Variants in WNK3 observed in about 807,000 individuals in gnomAD.
The protein encoded by WNK3 is serine/threonine-protein kinase WNK3.
In WNK3, 18 loss-of-function variants were observed where a neutral mutation model predicts 116.7. The observed-to-expected ratio is 0.15, with a 90% CI of 0.11 to 0.23. WNK3 has a LOEUF of 0.23. Ranked by LOEUF, WNK3 falls within the 10% of genes least tolerant of loss-of-function variation. The pLI is 1.00. For missense variants in WNK3, 993 were observed against 1,323.8 expected (o/e 0.75, Z 3.88); for synonymous variants, 404 against 469.4 (o/e 0.86, Z 1.80).
At chrX:54,300,713 C>T (rs959904861) in intron 6 of WNK3, among the ~76,000 whole-genome samples, 4 of 111,733 alleles carry the variant, frequency 3.6e-5, no homozygotes, top group African/African-American at 1.3e-4. Flanking sequence ...GTGTTTTTAG[C>T]TTCATTTTTA....
intron 22 of WNK3, among the ~76,000 whole-genome samples, chrX:54,218,543 C>A (rs1557145852): frequency 9.8e-6 from 1 of 101,889 alleles, no homozygotes; most frequent in African/African-American, 3.6e-5. Flanking sequence ...AAGAAATCCA[C>A]TTTGAAGAAC....
chrX:54,248,231 TA>T (rs782354082), intron 17 of WNK3, among the ~76,000 whole-genome samples: 369 of 101,011 alleles, frequency 3.7e-3, no homozygotes, highest in African/African-American at 3.6e-3. Context: ...GTCTAGGGTT[TA>T]AAAAAAAAAA....
chrX:54,345,278 ATATATATGTATG>A (rs2069404339), intron 1 of WNK3, among the ~76,000 whole-genome samples: 2 of 78,854 alleles, frequency 2.5e-5, no homozygotes, highest in Admixed American at 1.4e-4. Context: ...CAACAACTAT[ATATATATGTATG>A]TATGTATGTA....
chrX:54,246,727 T>A (rs2068077477), intron 17 of WNK3, among the ~76,000 whole-genome samples: 1 of 112,038 alleles, frequency 8.9e-6, no homozygotes, highest in Non-Finnish European at 1.9e-5. Flanking sequence ...AAATTTAAAT[T>A]AATTAAATTA....
chrX:54,323,962 A>T (rs1474659440), intron 2 of WNK3, among the ~76,000 whole-genome samples: 1 of 112,566 alleles, frequency 8.9e-6, no homozygotes. Flanking sequence ...TAAAACAGAA[A>T]TGTATTATCT....
At chrX:54,267,819 A>C (rs184570870) in intron 10 of WNK3, among the ~76,000 whole-genome samples, 6 of 110,512 alleles carry the variant, frequency 5.4e-5, no homozygotes, top group Non-Finnish European at 9.5e-5. Context: ...ACAACAACAA[A>C]AAAACCATAG....
At chrX:54,337,291 G>A (rs1215325627) in intron 1 of WNK3, among the ~76,000 whole-genome samples, 1 of 111,034 alleles carries the variant, frequency 9.0e-6, no homozygotes, top group Non-Finnish European at 1.9e-5. Context: ...GCTGGGTGCG[G>A]TGGCTCACGC....
intron 2 of WNK3, among the ~76,000 whole-genome samples, chrX:54,329,341 G>T (rs782395501): frequency 6.0e-4 from 67 of 111,817 alleles, no homozygotes; most frequent in Non-Finnish European, 1.1e-3. Context: ...GTGAATGATA[G>T]AAGTCAGTAT....
chrX:54,321,798 A>G (rs961523429), intron 2 of WNK3, among the ~76,000 whole-genome samples: 1 of 109,448 alleles, frequency 9.1e-6, no homozygotes, highest in Non-Finnish European at 1.9e-5. Context: ...CATCTCTACT[A>G]AAAATACAAA....
exon 17 of WNK3, chrX:54,249,566 G>T: frequency 8.3e-7 from 1 of 1,211,312 alleles, no homozygotes; most frequent in Non-Finnish European, 1.1e-6. Context: ...AGTGCACGGT[G>T]GCATGGATTA....
chrX:54,301,664 A>T, intron 6 of WNK3, 107 bp downstream of exon 6: 1 of 612,473 alleles, frequency 1.6e-6, no homozygotes, highest in Non-Finnish European at 2.6e-6. Context: ...TTTGGCTTCT[A>T]CTCAAAAGTC....
At chrX:54,250,260 G>A in intron 15 of WNK3, 129 bp from the exon 16 acceptor site, 1 of 636,506 alleles carries the variant, frequency 1.6e-6, no homozygotes, top group Non-Finnish European at 2.2e-6. Context: ...TAGAATATAT[G>A]TAATTGATAA....
chrX:54,221,123 GA>G (rs1399051759), intron 22 of WNK3, among the ~76,000 whole-genome samples: 9 of 110,449 alleles, frequency 8.1e-5, no homozygotes, highest in African/African-American at 2.6e-4. Flanking sequence ...TCCATAAATG[GA>G]AAAAAAATAA....
chrX:54,294,434 CA>C, intron 8 of WNK3, 118 bp downstream of exon 8: 1 of 509,783 alleles, frequency 2.0e-6, no homozygotes, highest in Non-Finnish European at 3.0e-6. Flanking sequence ...TAAAGATAAG[CA>C]AACATACAAA....
chrX:54,312,479 C>A lies in WNK3; in HGVS notation c.538-1188G>T, dbSNP rs781944111. Among the ~76,000 whole-genome samples the A allele has an allele frequency of 3.6e-5, 4 of 110,580 alleles. No homozygotes were observed. In the Admixed American group the frequency reaches 3.9e-4, roughly 11 times the overall value. On this transcript the variant is annotated intron_variant, in intron 2 of 23. Coordinates refer to ENST00000354646, the Ensembl canonical transcript of WNK3. ...TCTAGACGGAGTCTCGCTCCATTGCCCAGGCTGGAGTGCAGTGGTGCGATC... is the reference window on the plus strand; with the variant it reads ...TCTAGACGGAGTCTCGCTCCATTGCACAGGCTGGAGTGCAGTGGTGCGATC...
At chrX:54,198,630 G>A (rs782708043) in exon 24 of WNK3, 2 of 1,195,359 alleles carry the variant, frequency 1.7e-6, no homozygotes, top group Non-Finnish European at 2.3e-6. Flanking sequence ...ATGTTGATGT[G>A]TAGCCCATAG....
intron 10 of WNK3, among the ~76,000 whole-genome samples, chrX:54,267,265 G>T (rs1557157971): frequency 4.5e-5 from 5 of 109,984 alleles, no homozygotes; most frequent in African/African-American, 1.7e-4. Context: ...ACAGGATTTC[G>T]CCATGTTGCC....
intron 1 of WNK3, among the ~76,000 whole-genome samples, chrX:54,350,786 C>A (rs2069504132): frequency 9.0e-6 from 1 of 110,878 alleles, no homozygotes; most frequent in African/African-American, 3.3e-5. Context: ...AACAAACAAA[C>A]AAAATCAACC....
intron 1 of WNK3, among the ~76,000 whole-genome samples, chrX:54,351,499 G>A (rs950430676): frequency 1.8e-5 from 2 of 111,171 alleles, no homozygotes; most frequent in African/African-American, 3.3e-5. Flanking sequence ...GGCCAGGTGC[G>A]GTGGCTCATA....
Sources: allele counts gnomAD v4.1 joint callset (sites outside exome capture counted in the v4.1 genomes callset), GRCh38; gene constraint gnomAD v4.1.1; transcripts MANE v1.5; gene names NCBI Gene and HGNC (gene_info 2026-07-23, HGNC 2026-07-21).